The following TSPAN12 variants were observed in gnomAD, a reference collection of about 807,000 sequenced individuals.
TSPAN12 encodes the protein tetraspanin 12.
A neutral mutation model predicts 39.2 loss-of-function variants in TSPAN12; 19 were observed. The observed-to-expected ratio is 0.49, with a 90% confidence interval of 0.34 to 0.71. TSPAN12 has a LOEUF of 0.71. TSPAN12 is among the 30% of genes least tolerant of loss of function. TSPAN12 has a pLI of 0.01. For missense variants in TSPAN12, 314 were observed against 359.9 expected (o/e 0.87, Z 1.03); for synonymous variants, 119 against 124.8 (o/e 0.95, Z 0.31).
chr7:120,815,407 G>A (rs1339050180), intron 5 of TSPAN12, among the ~76,000 whole-genome samples: 1 of 152,058 alleles, frequency 6.6e-6, no homozygotes, highest in African/African-American at 2.4e-5. Context: ...TGAATCATGG[G>A]GCAGTTTCCC....
chr7:120,833,583 A>T (rs1357998457), intron 4 of TSPAN12, among the ~76,000 whole-genome samples: 1 of 152,134 alleles, frequency 6.6e-6, no homozygotes, highest in African/African-American at 2.4e-5. Flanking sequence ...TAAAATTGGA[A>T]AAAAAAGCAC....
At chr7:120,815,630 A>C in intron 5 of TSPAN12, 99 bp downstream of exon 5, 1 of 1,082,996 alleles carries the variant, frequency 9.2e-7, no homozygotes, top group South Asian at 1.3e-5. Flanking sequence ...AGTCTTGGGC[A>C]GTTCTTTCAT....
rs772421675 is a variant in TSPAN12, at chr7:120,815,745, T to C, written c.344A>G (p.Tyr115Cys). The part of the protein sequence containing the change: ...CVELACGVWT[Y>C]EQELMVPVQW... ...TGAACTCACCATAAGTTCCTGTTCA[T>C]ATGTCCAAACGCCACAAGCCAGTTC... The change falls in exon 5 of 8, where the codon TAT becomes TGT. Residue 115 changes from tyrosine (Y) to cysteine (C), a missense_variant. Physicochemically the swap from Tyr to Cys is radical, Grantham distance 194 (BLOSUM62 -2). Coordinates refer to ENST00000222747, the MANE Select transcript of TSPAN12 (RefSeq NM_012338.4). The C allele has an allele frequency of 1.4e-4, 222 of 1,612,764 alleles. No individual in the cohort carries two copies. Among genetic ancestry groups the C allele is most frequent in the Non-Finnish European group, 1.8e-4 (213 of 1,179,546 alleles).
intron 4 of TSPAN12, among the ~76,000 whole-genome samples, chr7:120,821,771 T>A (rs1304898219): frequency 6.6e-6 from 1 of 152,152 alleles, no homozygotes; most frequent in Admixed American, 6.6e-5. Flanking sequence ...ACACTTAATA[T>A]ATGTTTCTTG....
chr7:120,806,297 A>C (rs1344209195), intron 7 of TSPAN12, among the ~76,000 whole-genome samples: 4 of 152,096 alleles, frequency 2.6e-5, no homozygotes, highest in Non-Finnish European at 5.9e-5. Flanking sequence ...ACTTGATTCA[A>C]AACAAAACAG....
chr7:120,806,407 G>T, intron 7 of TSPAN12, 142 bp downstream of exon 7: 1 of 744,412 alleles, frequency 1.3e-6, no homozygotes, highest in Non-Finnish European at 2.2e-6. Flanking sequence ...GCTTTCTTCT[G>T]CTTCTCCCCA....
chr7:120,842,947 T>C (rs1794605770), intron 2 of TSPAN12, among the ~76,000 whole-genome samples: 1 of 151,962 alleles, frequency 6.6e-6, no homozygotes, highest in South Asian at 2.1e-4. Flanking sequence ...TCTGAAATAA[T>C]GGATCTGAAA....
intron 4 of TSPAN12, among the ~76,000 whole-genome samples, chr7:120,830,486 A>C (rs1405617262): frequency 6.6e-6 from 1 of 152,242 alleles, no homozygotes. Flanking sequence ...GCCCAGAAAG[A>C]AGTAAACTGA....
chr7:120,848,210 G>A (rs527439457), intron 2 of TSPAN12, among the ~76,000 whole-genome samples: 7 of 151,976 alleles, frequency 4.6e-5, no homozygotes, highest in Non-Finnish European at 7.4e-5. Context: ...CCCAACTCCC[G>A]CCTTACCTAC....
chr7:120,831,789 T>C (rs1794395736), intron 4 of TSPAN12, among the ~76,000 whole-genome samples: 1 of 152,012 alleles, frequency 6.6e-6, no homozygotes, highest in Non-Finnish European at 1.5e-5. Context: ...AGTTGTATAT[T>C]TCAAAATTGC....
chr7:120,838,950 A>T, intron 3 of TSPAN12, 38 bp from the exon 4 acceptor site: 3 of 1,606,210 alleles, frequency 1.9e-6, no homozygotes, highest in Non-Finnish European at 2.6e-6. Flanking sequence ...AAGAAAATAT[A>T]ATCAAAATGC....
At chr7:120,811,879 A>G (rs1793989730) in intron 5 of TSPAN12, among the ~76,000 whole-genome samples, 2 of 152,156 alleles carry the variant, frequency 1.3e-5, no homozygotes, top group Middle Eastern at 3.4e-3. Context: ...GAATAATACA[A>G]TGGACTTTGG....
rs1485346194 is a variant in TSPAN12, at chr7:120,788,451, A to AAAAT, written c.*140_*141insATTT. ...CATGAAACTTTTCCATCCTCATTTT[A>AAAAT]AAGCATAGAATAGTATATGCTTAGG... On this transcript the variant is annotated 3_prime_UTR_variant, in exon 8 of 8. Transcript: ENST00000222747. The AAAAT allele has an allele frequency of 4.0e-6, 4 of 999,110 alleles. No homozygotes were observed. Among genetic ancestry groups the AAAAT allele is most frequent in the Non-Finnish European group, 6.0e-6 (4 of 672,200 alleles). The allele number at this position is 999,110 out of a possible 1,614,324, so 61.9% of individuals were successfully genotyped here. A position where few individuals can be genotyped will look rare whatever the true frequency, so the allele number is the denominator to read the frequency against.
rs371866127 is a variant in TSPAN12, at chr7:120,806,695, G to A, written c.469-3C>T. 1.2e-5 allele frequency: 20 copies of A among 1,612,194 alleles called. No individual in the cohort carries two copies. The African/African-American group carries it at 2.3e-4, about 18-fold the overall frequency. On this transcript the variant is annotated splice_polypyrimidine_tract_variant and splice_region_variant and intron_variant, in intron 6 of 7. Transcript: ENST00000222747. ...TATACTACTCCACAGCACTTAAACTGCAAAAAAAATCACTAGTCAGCCTCA... is the reference window on the plus strand; with the variant it reads ...TATACTACTCCACAGCACTTAAACTACAAAAAAAATCACTAGTCAGCCTCA...
chr7:120,843,649 T>C (rs1040737440), intron 2 of TSPAN12, among the ~76,000 whole-genome samples: 1 of 152,204 alleles, frequency 6.6e-6, no homozygotes, highest in Non-Finnish European at 1.5e-5. Context: ...TTTCCCCTCT[T>C]GGCCCCCCAT....
chr7:120,848,113 C>T (rs1248984134), intron 2 of TSPAN12, among the ~76,000 whole-genome samples: 1 of 152,146 alleles, frequency 6.6e-6, no homozygotes, highest in Admixed American at 6.5e-5. Context: ...ACCATCCTGC[C>T]CCAGCTTTCC....
At chr7:120,796,851 G>A (rs1252923983) in intron 7 of TSPAN12, among the ~76,000 whole-genome samples, 1 of 152,118 alleles carries the variant, frequency 6.6e-6, no homozygotes, top group Non-Finnish European at 1.5e-5. Flanking sequence ...AGTAATTAGT[G>A]TTTATATAAG....
chr7:120,806,438 G>A, intron 7 of TSPAN12, 111 bp downstream of exon 7: 1 of 1,210,866 alleles, frequency 8.3e-7, no homozygotes, highest in East Asian at 2.4e-5. Flanking sequence ...AAATTTTAAG[G>A]CCTTTTACAT....
intron 4 of TSPAN12, among the ~76,000 whole-genome samples, chr7:120,827,940 A>C (rs1366070336): frequency 6.6e-6 from 1 of 152,180 alleles, no homozygotes; most frequent in African/African-American, 2.4e-5. Flanking sequence ...AACTCACCTT[A>C]GCCCAGCACC....
Sources: allele counts gnomAD v4.1 joint callset (sites outside exome capture counted in the v4.1 genomes callset), GRCh38; gene constraint gnomAD v4.1.1; transcripts MANE v1.5; gene names NCBI Gene and HGNC (gene_info 2026-07-23, HGNC 2026-07-21).